The following ERC2 variants were observed in gnomAD, a reference collection of about 807,000 sequenced individuals.
The protein encoded by ERC2 is ELKS/RAB6-interacting/CAST family member 2.
In ERC2, 42 loss-of-function variants were observed where a neutral mutation model predicts 114.8. That is an observed-to-expected ratio of 0.37 (90% CI 0.29 to 0.47). The LOEUF is 0.47. Among genes scored for constraint, ERC2 ranks in the 20% least tolerant of loss-of-function variants. ERC2 has a pLI of 0.99. For synonymous variants in ERC2, 454 were observed against 425.5 expected, an observed-to-expected ratio of 1.07 and a Z score of -0.82; for missense variants, 939 against 1,150.7, an observed-to-expected ratio of 0.82 and a Z score of 2.66.
intron 2 of ERC2, among the ~76,000 whole-genome samples, chr3:56,355,161 C>T (rs2058696597): frequency 6.6e-6 from 1 of 152,108 alleles, no homozygotes; most frequent in African/African-American, 2.4e-5. Context: ...TTCTGAAGCA[C>T]ATCAGATATA....
chr3:56,235,383 A>G (rs1260850359), intron 3 of ERC2, among the ~76,000 whole-genome samples: 2 of 152,240 alleles, frequency 1.3e-5, no homozygotes, highest in African/African-American at 4.8e-5. Flanking sequence ...GTGAAGTCAC[A>G]AAATGAATAC....
intron 3 of ERC2, among the ~76,000 whole-genome samples, chr3:56,283,754 T>A (rs895842268): frequency 5.9e-5 from 9 of 152,258 alleles, no homozygotes; most frequent in African/African-American, 1.9e-4. Flanking sequence ...TTGTTGCTTT[T>A]TTTAAGGAAC....
chr3:56,338,331 T>TCCTG (rs2057943686), intron 2 of ERC2, among the ~76,000 whole-genome samples: 2 of 152,232 alleles, frequency 1.3e-5, no homozygotes. Context: ...CTTAAATCAC[T>TCCTG]CCTGCCTGCC....
At chr3:56,320,873 A>G (rs2057097295) in intron 2 of ERC2, among the ~76,000 whole-genome samples, 2 of 152,216 alleles carry the variant, frequency 1.3e-5, no homozygotes, top group South Asian at 2.1e-4. Flanking sequence ...GCTTAAAACA[A>G]CAAATGTTTA....
At chr3:55,739,384 A>G in intron 14 of ERC2, among the ~76,000 whole-genome samples, 1 of 152,206 alleles carries the variant, frequency 6.6e-6, no homozygotes, top group East Asian at 1.9e-4. Context: ...CAACAGTGCA[A>G]AAGCCTTCCT....
intron 17 of ERC2, among the ~76,000 whole-genome samples, chr3:55,660,981 C>G (rs2148708317): frequency 6.6e-6 from 1 of 152,246 alleles, no homozygotes; most frequent in African/African-American, 2.4e-5. Flanking sequence ...TGGTCTTCTT[C>G]ATATTATAAC....
intron 13 of ERC2, among the ~76,000 whole-genome samples, chr3:55,928,168 T>C (rs1576233688): frequency 6.6e-6 from 1 of 152,228 alleles, no homozygotes; most frequent in South Asian, 2.1e-4. Flanking sequence ...TTTTTAGTTT[T>C]TTAAGGAACC....
chr3:55,691,811 G>C lies in ERC2; in HGVS notation c.2847+7567C>G, dbSNP rs568958825. ...GAAGGAAACATGAAGATATATTTAT[G>C]TGCACACATACATATATATGTATAT... On this transcript the variant is annotated intron_variant, in intron 16 of 17. Coordinates refer to ENST00000288221, the MANE Select transcript of ERC2 (RefSeq NM_015576.3). Among the ~76,000 whole-genome samples the C allele has an allele frequency of 2.8e-4, 42 of 151,772 alleles. 1 individual carries two copies. Among genetic ancestry groups the C allele is most frequent in the African/African-American group, 1.0e-3 (42 of 41,422 alleles).
At chr3:55,659,649 C>T (rs373652398) in intron 17 of ERC2, among the ~76,000 whole-genome samples, 29 of 152,230 alleles carry the variant, frequency 1.9e-4, no homozygotes, top group African/African-American at 6.0e-4. Context: ...TTCCAAGTCC[C>T]CTTATAATTA....
intron 3 of ERC2, among the ~76,000 whole-genome samples, chr3:56,287,912 G>C (rs1178080609): frequency 6.6e-6 from 1 of 152,208 alleles, no homozygotes; most frequent in Non-Finnish European, 1.5e-5. Context: ...GGAAGTGACT[G>C]GCACAGGCTG....
chr3:55,741,036 AC>A (rs1460095436), intron 14 of ERC2, among the ~76,000 whole-genome samples: 2 of 152,218 alleles, frequency 1.3e-5, no homozygotes, highest in Admixed American at 6.5e-5. Flanking sequence ...GATGAGGGAT[AC>A]TCAACCTGTA....
chr3:56,430,814 A>T (rs1441297916), intron 2 of ERC2, among the ~76,000 whole-genome samples: 1 of 152,072 alleles, frequency 6.6e-6, no homozygotes, highest in Non-Finnish European at 1.5e-5. Flanking sequence ...ATGATAATAA[A>T]TCACATTCTT....
intron 2 of ERC2, among the ~76,000 whole-genome samples, chr3:56,372,902 G>A (rs2059407141): frequency 6.6e-6 from 1 of 152,138 alleles, no homozygotes; most frequent in African/African-American, 2.4e-5. Flanking sequence ...AGGCAGGATG[G>A]CGTAATATGA....
At chr3:55,595,685 C>A (rs1048814156) in intron 17 of ERC2, among the ~76,000 whole-genome samples, 2 of 152,140 alleles carry the variant, frequency 1.3e-5, no homozygotes, top group African/African-American at 2.4e-5. Context: ...ACTGACAATT[C>A]AACAGTTTTA....
intron 2 of ERC2, among the ~76,000 whole-genome samples, chr3:56,345,602 A>G (rs1221684929): frequency 6.6e-6 from 1 of 152,196 alleles, no homozygotes; most frequent in Non-Finnish European, 1.5e-5. Context: ...AAAGAGGAAG[A>G]CTACAGAGCT....
intron 14 of ERC2, among the ~76,000 whole-genome samples, chr3:55,752,053 C>T (rs577574173): frequency 3.3e-5 from 5 of 152,276 alleles, no homozygotes; most frequent in African/African-American, 1.2e-4. Flanking sequence ...TTCAGAAGAC[C>T]TACTGTTTAC....
chr3:56,029,434 T>C (rs2074245211), intron 7 of ERC2, among the ~76,000 whole-genome samples: 1 of 152,110 alleles, frequency 6.6e-6, no homozygotes, highest in Admixed American at 6.5e-5. Context: ...TTGGTAAAAT[T>C]CTCCAGTGAA....
chr3:55,646,547 A>G (rs1220466176), intron 17 of ERC2, among the ~76,000 whole-genome samples: 2 of 152,228 alleles, frequency 1.3e-5, no homozygotes, highest in East Asian at 3.9e-4. Context: ...TATAACCTAA[A>G]GAATAATAAT....
At chr3:56,318,783 T>TA (rs59210019) in intron 2 of ERC2, among the ~76,000 whole-genome samples, 13,145 of 142,888 alleles carry the variant, frequency 0.092, 953 homozygotes, top group African/African-American at 0.21. Flanking sequence ...ATGGCTGTTA[T>TA]AAAAAAAAAA....
Sources: allele counts gnomAD v4.1 joint callset (sites outside exome capture counted in the v4.1 genomes callset), GRCh38; gene constraint gnomAD v4.1.1; transcripts MANE v1.5; gene names NCBI Gene and HGNC (gene_info 2026-07-23, HGNC 2026-07-21).